PCDHGB2: variants seen among roughly 807,000 people sequenced by gnomAD.
The protein encoded by PCDHGB2 is protocadherin gamma-B2.
Under a neutral mutation model 59.3 loss-of-function variants are expected in PCDHGB2, and 55 were observed. The ratio of observed to expected loss-of-function variants is 0.93; its 90% confidence interval spans 0.75 to 1.16. PCDHGB2 has a LOEUF of 1.16. Among genes scored for constraint, PCDHGB2 ranks in the 50% most tolerant of loss-of-function variants. PCDHGB2 has a pLI of 0.00. For synonymous variants in PCDHGB2, 516 were observed against 512.0 expected (o/e 1.01, Z -0.11); for missense variants, 1,228 against 1,198.5 (o/e 1.02, Z -0.36).
rs1311776295 is a variant in PCDHGB2, at chr5:141,487,582, C to G, written c.2422-7225C>G. 1.2e-6 allele frequency: 2 copies of G among 1,614,088 alleles called. No homozygotes were observed. The highest frequency in any genetic ancestry group is 2.7e-5 in the African/African-American group (2 of 74,934). ...TGGCAGGGGAGCCTGTTCGCCCAAG[C>G]TGCCCACCCTCTGATCTTCTCTATG... is the stretch of plus-strand genomic sequence containing the variant. On this transcript the variant is annotated intron_variant, in intron 1 of 3. Transcript: ENST00000522605. The surrounding 1 kb of genome is among the most constrained non-coding windows in gnomAD (Gnocchi z 5.0).
intron 1 of PCDHGB2, among the ~76,000 whole-genome samples, chr5:141,407,824 G>C (rs2094986699): frequency 6.6e-6 from 1 of 152,190 alleles, no homozygotes; most frequent in South Asian, 2.1e-4. Context: ...TAATATTATG[G>C]TGAGAGCAAA....
Position 141,385,102 on chromosome 5 carries a change from G to A in PCDHGB2, c.2421+22546G>A, listed in dbSNP as rs370391349. On this transcript the variant is annotated intron_variant, in intron 1 of 3. Transcript: ENST00000522605. ...GGCTTCAGAAGGTGGCTTGGCGAAC[G>A]TGCCCACCTCGCACTTTGTGGGCAT... 6 of 1,614,174 alleles carry A rather than the reference G, an allele frequency of 3.7e-6. No homozygotes were observed. The East Asian group carries it at 6.7e-5, about 18-fold the overall frequency.
chr5:141,510,613 C>T (rs559713771), intron 3 of PCDHGB2, among the ~76,000 whole-genome samples: 17 of 152,298 alleles, frequency 1.1e-4, no homozygotes, highest in Admixed American at 2.0e-4. Context: ...TTAGCATTCA[C>T]TAAAACCAGA....
chr5:141,383,054 T>C, intron 1 of PCDHGB2: 3 of 1,613,872 alleles, frequency 1.9e-6, no homozygotes, highest in Non-Finnish European at 2.5e-6. Flanking sequence ...GCCAAGGACC[T>C]GGGGCTGGAG....
chr5:141,390,486 G>GT (rs2092161053), intron 1 of PCDHGB2: 4 of 649,376 alleles, frequency 6.2e-6, no homozygotes, highest in Non-Finnish European at 7.7e-6. Flanking sequence ...ACATTTGTTT[G>GT]TTTTTTAGCC....
intron 1 of PCDHGB2, chr5:141,392,409 A>G (rs1308940731): frequency 6.4e-6 from 1 of 156,720 alleles, no homozygotes; most frequent in African/African-American, 2.4e-5. Context: ...ACTAAATAAA[A>G]CCTTCATCTC....
At position 141,390,017 on chromosome 5, in the gene PCDHGB2, G is replaced by C. The variant is rs2092015490; in HGVS notation, c.2421+27461G>C. Reference sequence around the variant, plus strand: ...TGGCCATGATTCTGGCCATTGCCTTGCGCCTGCGACGCTCCTCCAGCCCCG... The same window carrying C: ...TGGCCATGATTCTGGCCATTGCCTTCCGCCTGCGACGCTCCTCCAGCCCCG... On this transcript the variant is annotated intron_variant, in intron 1 of 3. Transcript: ENST00000522605. 1.9e-6 allele frequency: 3 copies of C among 1,613,898 alleles called. No homozygotes were observed. The South Asian group carries it at 3.3e-5, about 18-fold the overall frequency.
chr5:141,436,051 A>G (rs2097793554), intron 1 of PCDHGB2, among the ~76,000 whole-genome samples: 1 of 152,194 alleles, frequency 6.6e-6, no homozygotes, highest in Admixed American at 6.5e-5. Flanking sequence ...ATTAGTTTTC[A>G]AATAGAATTT....
chr5:141,450,015 T>A (rs911475310), intron 1 of PCDHGB2, among the ~76,000 whole-genome samples: 12 of 149,806 alleles, frequency 8.0e-5, no homozygotes, highest in Non-Finnish European at 1.6e-4. Flanking sequence ...TCTTTTTTTT[T>A]TTTTTTTTTG....
Position 141,476,698 on chromosome 5 carries a change from G to T in PCDHGB2, c.2422-18109G>T. The T allele has an allele frequency of 4.3e-6, 7 of 1,614,056 alleles. No homozygotes were observed. Among genetic ancestry groups the T allele is most frequent in the Non-Finnish European group, 5.9e-6 (7 of 1,179,986 alleles). ...CGCGGGAGGACAGCACCAAGTACGC[G>T]GAGCTGGTGTTGGAGCGCGCCCTGG... On this transcript the variant is annotated intron_variant, in intron 1 of 3. Coordinates refer to ENST00000522605, the MANE Select transcript of PCDHGB2 (RefSeq NM_018923.3). The surrounding 1 kb of genome is among the most constrained non-coding windows in gnomAD (Gnocchi z 7.6).
At chr5:141,393,736 A>G in intron 1 of PCDHGB2, 1 of 1,613,892 alleles carries the variant, frequency 6.2e-7, no homozygotes, top group Non-Finnish European at 8.5e-7. Flanking sequence ...AAAAGTCTAG[A>G]TTATGAAGAA....
At chr5:141,383,218 A>C in intron 1 of PCDHGB2, 1 of 1,614,020 alleles carries the variant, frequency 6.2e-7, no homozygotes, top group Non-Finnish European at 8.5e-7. Context: ...GGTAAACTTT[A>C]ACATCCTGAT....
chr5:141,421,593 G>A lies in PCDHGB2; in HGVS notation c.2421+59037G>A, dbSNP rs780085355. ...CCTTGAAGATTTACGGAGTGGAGGTGGAAATAATAGATATTAATGATAACG... is the reference window on the plus strand; with the variant it reads ...CCTTGAAGATTTACGGAGTGGAGGTAGAAATAATAGATATTAATGATAACG... On this transcript the variant is annotated intron_variant, in intron 1 of 3. Coordinates refer to ENST00000522605, the MANE Select transcript of PCDHGB2 (RefSeq NM_018923.3). 6 of 1,613,840 alleles carry A rather than the reference G, an allele frequency of 3.7e-6. No individual in the cohort carries two copies. In the East Asian group the frequency reaches 1.1e-4, roughly 30 times the overall value.
intron 3 of PCDHGB2, among the ~76,000 whole-genome samples, chr5:141,506,861 G>A (rs2099856791): frequency 6.6e-6 from 1 of 152,178 alleles, no homozygotes; most frequent in African/African-American, 2.4e-5. Context: ...TGGAGGACTG[G>A]TGGGTAGAGA....
At chr5:141,429,801 C>T (rs2097245893) in intron 1 of PCDHGB2, among the ~76,000 whole-genome samples, 1 of 152,104 alleles carries the variant, frequency 6.6e-6, no homozygotes, top group African/African-American at 2.4e-5. Flanking sequence ...CAGTAATTCT[C>T]AGTAATTACA....
At chr5:141,375,619 G>A (rs373115950) in intron 1 of PCDHGB2, 123 of 1,614,098 alleles carry the variant, frequency 7.6e-5, no homozygotes, top group Non-Finnish European at 1.0e-4. Context: ...CCGACACTGG[G>A]ATTCTGTACG....
At chr5:141,423,440 C>G in intron 1 of PCDHGB2, 1 of 1,613,970 alleles carries the variant, frequency 6.2e-7, no homozygotes, top group South Asian at 1.1e-5. Context: ...GGTATGCCCA[C>G]GTCACATTTT....
chr5:141,403,690 T>G, intron 1 of PCDHGB2: 1 of 1,613,908 alleles, frequency 6.2e-7, no homozygotes, highest in Non-Finnish European at 8.5e-7. Context: ...CTCAACGGAT[T>G]TACCGAGTTA....
chr5:141,364,904 C>G (rs748515825), intron 1 of PCDHGB2: 19 of 1,613,876 alleles, frequency 1.2e-5, no homozygotes, highest in Non-Finnish European at 1.7e-6. Flanking sequence ...ACAAAAGTAT[C>G]CGGAGCTGGT....
Sources: allele counts gnomAD v4.1 joint callset (sites outside exome capture counted in the v4.1 genomes callset), GRCh38; gene constraint gnomAD v4.1.1; non-coding constraint Gnocchi (gnomAD v3.1); transcripts MANE v1.5; gene names NCBI Gene and HGNC (gene_info 2026-07-23, HGNC 2026-07-21).